Variants in TP53INP2 observed in about 807,000 individuals in gnomAD.
The protein encoded by TP53INP2 is tumor protein p53-inducible nuclear protein 2.
In TP53INP2, 12 loss-of-function variants were observed where a neutral mutation model predicts 17.1. The observed-to-expected ratio is 0.70, with a 90% CI of 0.45 to 1.14. The LOEUF (loss-of-function observed/expected upper bound fraction) is 1.14. Among genes scored for constraint, TP53INP2 ranks in the 50% most tolerant of loss-of-function variants. The pLI, the probability that TP53INP2 is intolerant of heterozygous loss-of-function variation, is 0.00. For synonymous variants in TP53INP2, 145 were observed against 147.3 expected (o/e 0.98, Z 0.12); for missense variants, 342 against 330.9 (o/e 1.03, Z -0.26).
chr20:34,706,713 G>A (rs1199165060), intron 2 of TP53INP2, among the ~76,000 whole-genome samples: 1 of 152,222 alleles, frequency 6.6e-6, no homozygotes, highest in African/African-American at 2.4e-5. Flanking sequence ...TCTGCAGCAA[G>A]TGTGAAAACA....
chr20:34,709,455 T>G lies in TP53INP2; in HGVS notation c.344T>G (p.Ile115Arg). The G allele has an allele frequency of 2.5e-6, 4 of 1,613,554 alleles. No homozygotes were observed. The highest frequency in any genetic ancestry group is 3.4e-6 in the Non-Finnish European group (4 of 1,179,810). Residue 115 changes from isoleucine to arginine, a missense_variant, in exon 4 of 5, where the codon ATA (isoleucine) becomes AGA (arginine). By Grantham distance (97) the Ile-to-Arg change is moderately conservative. Coordinates refer to ENST00000374810, the MANE Select transcript of TP53INP2 (RefSeq NM_021202.3). The surrounding 1 kb of genome is among the most constrained non-coding windows in gnomAD (Gnocchi z 5.4). ...TCCGTTTACGTCACCGGCAGCACCA[T>G]AGTGCTAGAGCCCGGGTCCCCTTCC... ...SMSVYVTGSTIVLEPGSPSPL... is the reference protein window; with the variant it reads ...SMSVYVTGSTRVLEPGSPSPL...
Position 34,709,692 on chromosome 20 carries a change from C to CG in TP53INP2, c.413+171dup, listed in dbSNP as rs1988117948. ...ACAAAGTGGGGGGCCGGTGGGCCTC[C>CG]GGGCGAGGCTAGAAGCGGGCCTGAG... is the stretch of plus-strand genomic sequence containing the variant. On this transcript the variant is annotated intron_variant, in intron 4 of 4. Coordinates refer to ENST00000374810, the MANE Select transcript of TP53INP2 (RefSeq NM_021202.3). This position sits in a 1 kb window ranked among gnomAD's most constrained non-coding sequence, Gnocchi z 5.4. Among the ~76,000 whole-genome samples the CG allele has an allele frequency of 6.6e-6, 1 of 151,800 alleles. No homozygotes were observed. The highest frequency in any genetic ancestry group is 2.0e-4 in the East Asian group (1 of 5,120).
chr20:34,709,285 CCGCCCTCCGCCCG>C lies in TP53INP2; in HGVS notation c.183_195del (p.Pro62Ter), dbSNP rs749064027. ...CCGGGGCCGCCCCTGCCCCCGCGGG[CCGCCCTCCGCCCG>C]CGCCCTCCTTGATGGACGAGAGCTG... On this transcript the variant is annotated frameshift_variant, in exon 4 of 5. Transcript: ENST00000374810. LOFTEE classifies it high-confidence loss of function. This position sits in a 1 kb window ranked among gnomAD's most constrained non-coding sequence, Gnocchi z 5.4. 6.2e-7 allele frequency: 1 copy of C among 1,605,686 alleles called. No homozygotes were observed. Among genetic ancestry groups the C allele is most frequent in the South Asian group, 1.1e-5 (1 of 90,434 alleles).
intron 2 of TP53INP2, among the ~76,000 whole-genome samples, chr20:34,706,151 G>A (rs940185159): frequency 6.6e-6 from 1 of 152,204 alleles, no homozygotes. Flanking sequence ...CTAGGCGAGG[G>A]GTGGTGTGGC....
In TP53INP2 at chr20:34,709,670, A is replaced by G; in HGVS notation, c.413+146A>G. On this transcript the variant is annotated intron_variant, in intron 4 of 4. Transcript: ENST00000374810. This position sits in a 1 kb window ranked among gnomAD's most constrained non-coding sequence, Gnocchi z 5.4. The stretch of plus-strand genomic sequence containing the variant: ...CCTTGGGAGGGTTGCCTTTGAGACA[A>G]AGTGGGGGGCCGGTGGGCCTCCGGG... 7.0e-7 allele frequency: 1 copy of G among 1,427,330 alleles called. No individual in the cohort carries two copies. The highest frequency in any genetic ancestry group is 9.1e-7 in the Non-Finnish European group (1 of 1,095,134). The allele number at this position is 1,427,330 out of a possible 1,614,324, so 88.4% of individuals were successfully genotyped here. A position where few individuals can be genotyped will look rare whatever the true frequency, so the allele number is the denominator to read the frequency against.
In TP53INP2 at chr20:34,709,209, G is replaced by T. The variant is rs1600694486; in HGVS notation, c.125-27G>T. ...TGCCTCCTCGCTGCTCCCCTCCTCTGCACGGCTCCCATCCCGCGCCCCGTA... is the reference window on the plus strand; with the variant it reads ...TGCCTCCTCGCTGCTCCCCTCCTCTTCACGGCTCCCATCCCGCGCCCCGTA... On this transcript the variant is annotated intron_variant, in intron 3 of 4. Transcript: ENST00000374810. The surrounding 1 kb of genome is among the most constrained non-coding windows in gnomAD (Gnocchi z 5.4). 1 of 1,532,582 alleles carries T rather than the reference G, an allele frequency of 6.5e-7. No individual in the cohort carries two copies. 94.9% of individuals were successfully genotyped at this position (1,532,582 alleles called of 1,614,324 possible).
chr20:34,710,373 C>T lies in TP53INP2; in HGVS notation c.*66C>T, dbSNP rs1479324955. On this transcript the variant is annotated 3_prime_UTR_variant, in exon 5 of 5. Transcript: ENST00000374810. This position sits in a 1 kb window ranked among gnomAD's most constrained non-coding sequence, Gnocchi z 4.9. The stretch of plus-strand genomic sequence containing the variant: ...TCCCTGTCGGGCTCCTCCGACTCCT[C>T]GGGCTGGACACCGAAACCTCCCTTC... The T allele has an allele frequency of 4.0e-6, 5 of 1,259,636 alleles. No homozygotes were observed. In the African/African-American group the frequency reaches 4.6e-5, roughly 12 times the overall value. 78.0% of individuals were successfully genotyped at this position (1,259,636 alleles called of 1,614,324 possible).
At position 34,708,788 on chromosome 20, in the gene TP53INP2, G is replaced by C. The variant is rs770387923; in HGVS notation, c.49G>C (p.Glu17Gln). The change falls in exon 3 of 5, where the codon GAA becomes CAA. Residue 17 changes from glutamate (E) to glutamine (Q), a missense_variant. By Grantham distance (29) the Glu-to-Gln change is conservative. Transcript: ENST00000374810. ...SLFFSTPSPP[E>Q]DPDCPRAFVS... ...CTTCTTCAGCACCCCCTCGCCCCCC[G>C]AAGACCCCGACTGCCCCCGCGCCTT... 1.5e-5 allele frequency: 24 copies of C among 1,609,798 alleles called. No individual in the cohort carries two copies. In the Admixed American group the frequency reaches 4.0e-4, roughly 27 times the overall value.
rs1988252832 is a variant in TP53INP2, at chr20:34,713,135, A to G, written c.*2828A>G. On this transcript the variant is annotated 3_prime_UTR_variant, in exon 5 of 5. Transcript: ENST00000374810. Reference sequence around the variant, plus strand: ...ATGTGGCTTTATGTGAGGGGACTGAATGCAGACACACCATAGCCCCCTTCT... The same window carrying G: ...ATGTGGCTTTATGTGAGGGGACTGAGTGCAGACACACCATAGCCCCCTTCT... 6.6e-6 allele frequency: 1 copy of G among 152,566 alleles called. No individual in the cohort carries two copies. Among genetic ancestry groups the G allele is most frequent in the Admixed American group, 6.5e-5 (1 of 15,270 alleles). 9.5% of individuals were successfully genotyped at this position (152,566 alleles called of 1,614,324 possible).
chr20:34,709,489 G>T lies in TP53INP2; in HGVS notation c.378G>T (p.Pro126=). The stretch of plus-strand genomic sequence containing the variant: ...AGCCCGGGTCCCCTTCCCCGCTCCC[G>T]GACGCGGCCCTGCCTGACGGCGACC... ...VLEPGSPSPL[P]DAALPDGDLS... Residue 126 remains proline, a synonymous_variant, in exon 4 of 5, where the codon CCG becomes CCT. Coordinates refer to ENST00000374810, the MANE Select transcript of TP53INP2 (RefSeq NM_021202.3). The surrounding 1 kb of genome is among the most constrained non-coding windows in gnomAD (Gnocchi z 5.4). The T allele has an allele frequency of 6.2e-7, 1 of 1,611,716 alleles. No individual in the cohort carries two copies. The highest frequency in any genetic ancestry group is 8.5e-7 in the Non-Finnish European group (1 of 1,179,800).
chr20:34,707,582 T>C (rs888284243), intron 2 of TP53INP2, among the ~76,000 whole-genome samples: 26 of 152,224 alleles, frequency 1.7e-4, no homozygotes, highest in African/African-American at 6.3e-4. Context: ...ATAGTGATTC[T>C]GGGTGCTGCC....
chr20:34,712,796 T>TA lies in TP53INP2; in HGVS notation c.*2491dup, dbSNP rs1988239607. ...GGAGTTTGTATCAATTTGTGAGTAT[T>TA]AATGTCAGTACTACCAGCACTTTGC... is the stretch of plus-strand genomic sequence containing the variant. On this transcript the variant is annotated 3_prime_UTR_variant, in exon 5 of 5. Coordinates refer to ENST00000374810, the MANE Select transcript of TP53INP2 (RefSeq NM_021202.3). 1 of 152,606 alleles carries TA rather than the reference T, an allele frequency of 6.6e-6. No homozygotes were observed. The highest frequency in any genetic ancestry group is 6.6e-5 in the Admixed American group (1 of 15,264). 9.5% of individuals were successfully genotyped at this position (152,606 alleles called of 1,614,324 possible).
In TP53INP2 at chr20:34,710,236, A is replaced by C. The variant is rs527551160; in HGVS notation, c.592A>C (p.Ser198Arg). The C allele has an allele frequency of 6.7e-7, 1 of 1,484,192 alleles. No homozygotes were observed. The highest frequency in any genetic ancestry group is 2.0e-5 in the Admixed American group (1 of 49,932). 91.9% of individuals were successfully genotyped at this position (1,484,192 alleles called of 1,614,324 possible). ...GCAGCGGCAGAACCGAGCCCGCGAG[A>C]GCCGTCCGCGCCGGTCCAAGAACCA... ...AVQRQNRARE[S>R]RPRRSKNQSS... The change falls in exon 5 of 5, where the codon AGC (serine) becomes CGC (arginine). Residue 198 changes from serine to arginine, a missense_variant. By Grantham distance (110) the Ser-to-Arg change is moderately radical. Transcript: ENST00000374810. The surrounding 1 kb of genome is among the most constrained non-coding windows in gnomAD (Gnocchi z 4.9).
In TP53INP2 at chr20:34,712,488, C is replaced by T. The variant is rs1988226942; in HGVS notation, c.*2181C>T. On this transcript the variant is annotated 3_prime_UTR_variant, in exon 5 of 5. Transcript: ENST00000374810. Reference sequence around the variant, plus strand: ...GTTGCAAGGCTCATATTTTTTTGTACCTTTCCTATAGATTCTGTAGCATTT... The same window carrying T: ...GTTGCAAGGCTCATATTTTTTTGTATCTTTCCTATAGATTCTGTAGCATTT... 6.6e-6 allele frequency: 1 copy of T among 152,574 alleles called. No homozygotes were observed. Among genetic ancestry groups the T allele is most frequent in the Non-Finnish European group, 1.5e-5 (1 of 68,040 alleles). 9.5% of individuals were successfully genotyped at this position (152,574 alleles called of 1,614,324 possible).
chr20:34,708,980 G>C (rs1335989077), intron 3 of TP53INP2, 117 bp downstream of exon 3: 10 of 1,465,926 alleles, frequency 6.8e-6, no homozygotes, highest in Non-Finnish European at 9.1e-6. Flanking sequence ...TACTGGAGGT[G>C]GGGTCACGGG....
intron 2 of TP53INP2, among the ~76,000 whole-genome samples, chr20:34,707,348 T>C (rs971637322): frequency 6.6e-6 from 1 of 152,114 alleles, no homozygotes; most frequent in Non-Finnish European, 1.5e-5. Context: ...CCAAATCACA[T>C]GGTAAGATGG....
Position 34,710,603 on chromosome 20 carries a change from C to A in TP53INP2, c.*296C>A. On this transcript the variant is annotated 3_prime_UTR_variant, in exon 5 of 5. Transcript: ENST00000374810. This position sits in a 1 kb window ranked among gnomAD's most constrained non-coding sequence, Gnocchi z 4.9. ...TCCCCATCCCTGTCTCTCCCTTTCACCCTTGCCCTCCAGTCCTCTACCTCT... is the reference window on the plus strand; with the variant it reads ...TCCCCATCCCTGTCTCTCCCTTTCAACCTTGCCCTCCAGTCCTCTACCTCT... The A allele has an allele frequency of 3.4e-6, 1 of 298,032 alleles. No homozygotes were observed. Among genetic ancestry groups the A allele is most frequent in the Non-Finnish European group, 6.2e-6 (1 of 161,844 alleles). The allele number at this position is 298,032 out of a possible 1,614,324, so 18.5% of individuals were successfully genotyped here.
In TP53INP2 at chr20:34,709,627, C is replaced by A; in HGVS notation, c.413+103C>A. 1 of 1,449,858 alleles carries A rather than the reference C, an allele frequency of 6.9e-7. No homozygotes were observed. Among genetic ancestry groups the A allele is most frequent in the Non-Finnish European group, 9.0e-7 (1 of 1,108,822 alleles). The allele number at this position is 1,449,858 out of a possible 1,614,324, so 89.8% of individuals were successfully genotyped here. On this transcript the variant is annotated intron_variant, in intron 4 of 4. Coordinates refer to ENST00000374810, the MANE Select transcript of TP53INP2 (RefSeq NM_021202.3). The surrounding 1 kb of genome is among the most constrained non-coding windows in gnomAD (Gnocchi z 5.4). Reference sequence around the variant, plus strand: ...GTAGTGGGGCCAGGAGCCCGCCCCGCGCTCGAGGGGGTAGCGGCCTTGGGA... The same window carrying A: ...GTAGTGGGGCCAGGAGCCCGCCCCGAGCTCGAGGGGGTAGCGGCCTTGGGA...
At position 34,710,451 on chromosome 20, in the gene TP53INP2, TC is replaced by T; in HGVS notation, c.*148del. ...CGTTCCTTCCCCGACACCCTCAATT[TC>T]CCCATCTCTGATCCTCTAATCTGCC... On this transcript the variant is annotated 3_prime_UTR_variant, in exon 5 of 5. Transcript: ENST00000374810. The surrounding 1 kb of genome is among the most constrained non-coding windows in gnomAD (Gnocchi z 4.9). The T allele has an allele frequency of 1.1e-6, 1 of 915,506 alleles. No homozygotes were observed. The highest frequency in any genetic ancestry group is 1.4e-6 in the Non-Finnish European group (1 of 695,792). The allele number at this position is 915,506 out of a possible 1,614,324, so 56.7% of individuals were successfully genotyped here. A position where few individuals can be genotyped will look rare whatever the true frequency, so the allele number is the denominator to read the frequency against.
Sources: allele counts gnomAD v4.1 joint callset (sites outside exome capture counted in the v4.1 genomes callset), GRCh38; gene constraint gnomAD v4.1.1; non-coding constraint Gnocchi (gnomAD v3.1); transcripts MANE v1.5; gene names NCBI Gene and HGNC (gene_info 2026-07-23, HGNC 2026-07-21).